The following DLGAP2 variants were observed in gnomAD, a reference collection of about 807,000 sequenced individuals.
DLGAP2 encodes the protein disks large-associated protein 2.
Under a neutral mutation model 100.3 loss-of-function variants are expected in DLGAP2, and 26 were observed. The ratio of observed to expected loss-of-function variants is 0.26; its 90% CI spans 0.19 to 0.36. The LOEUF (loss-of-function observed/expected upper bound fraction) is 0.36, where lower values mean the gene tolerates loss of function less well. DLGAP2 is among the 10% of genes least tolerant of loss of function. DLGAP2 has a pLI of 1.00. For missense variants in DLGAP2, 1,858 were observed against 1,453.2 expected, an observed-to-expected ratio of 1.28 and a Z score of -4.53; for synonymous variants, 886 against 630.1, an observed-to-expected ratio of 1.41 and a Z score of -6.08.
chr8:778,430 T>C (rs942716997), intron 1 of DLGAP2, among the ~76,000 whole-genome samples: 4 of 152,240 alleles, frequency 2.6e-5, no homozygotes, highest in African/African-American at 9.6e-5. Flanking sequence ...CTCTGCTTTT[T>C]AGAGTTTCCA....
intron 3 of DLGAP2, among the ~76,000 whole-genome samples, chr8:1,360,696 G>A (rs1054729781): frequency 4.6e-5 from 7 of 152,160 alleles, no homozygotes; most frequent in Admixed American, 4.6e-4. Flanking sequence ...ACACCACACC[G>A]CCCCCACCAT....
chr8:989,797 C>G (rs897747150), intron 2 of DLGAP2, among the ~76,000 whole-genome samples: 1 of 152,056 alleles, frequency 6.6e-6, no homozygotes, highest in East Asian at 1.9e-4. Flanking sequence ...TTGAGGCTTC[C>G]CCAGGGTCCC....
intron 2 of DLGAP2, among the ~76,000 whole-genome samples, chr8:928,410 G>A (rs942589102): frequency 1.3e-5 from 2 of 152,118 alleles, no homozygotes; most frequent in South Asian, 2.1e-4. Context: ...CCTGGACGTG[G>A]ATTTACTGTG....
intron 2 of DLGAP2, among the ~76,000 whole-genome samples, chr8:1,063,255 T>C (rs1035180817): frequency 6.6e-6 from 1 of 152,246 alleles, no homozygotes; most frequent in South Asian, 2.1e-4. Flanking sequence ...GCTGACCAAG[T>C]GGACTGTCCT....
intron 2 of DLGAP2, among the ~76,000 whole-genome samples, chr8:944,288 C>G (rs539162270): frequency 6.8e-6 from 1 of 148,036 alleles, no homozygotes; most frequent in African/African-American, 2.5e-5. Flanking sequence ...TTGTAACCAG[C>G]CCATGTGGGT....
chr8:1,683,345 G>A (rs1289127916), intron 12 of DLGAP2, among the ~76,000 whole-genome samples: 1 of 151,454 alleles, frequency 6.6e-6, no homozygotes, highest in Non-Finnish European at 1.5e-5. Flanking sequence ...GAGAACTGGG[G>A]AACAGAGGCC....
At chr8:1,562,670 G>C (rs1344393613) in intron 5 of DLGAP2, among the ~76,000 whole-genome samples, 5 of 49,630 alleles carry the variant, frequency 1.0e-4, no homozygotes, top group Non-Finnish European at 1.5e-4. Context: ...GTGTGGTGTT[G>C]GGGTGTCCGC....
At chr8:1,700,729 G>A (rs1358217683) in intron 14 of DLGAP2, among the ~76,000 whole-genome samples, 1 of 152,130 alleles carries the variant, frequency 6.6e-6, no homozygotes. Context: ...CACGTAAGAT[G>A]GTTTTCATGA....
chr8:1,455,519 A>G (rs1798287922), intron 3 of DLGAP2, among the ~76,000 whole-genome samples: 1 of 152,214 alleles, frequency 6.6e-6, no homozygotes. Context: ...AGCAGGGCTG[A>G]GAGGAGGAAG....
intron 3 of DLGAP2, among the ~76,000 whole-genome samples, chr8:1,496,093 G>C (rs1196359812): frequency 2.0e-5 from 3 of 152,188 alleles, no homozygotes; most frequent in East Asian, 1.9e-4. Context: ...TTCCCTGAAA[G>C]TCAGGTTTCT....
At chr8:1,548,091 A>G (rs1438809439) in intron 4 of DLGAP2, among the ~76,000 whole-genome samples, 6 of 152,154 alleles carry the variant, frequency 3.9e-5, no homozygotes, top group African/African-American at 1.2e-4. Context: ...TCAATCTACT[A>G]GATGCTAAAT....
intron 2 of DLGAP2, among the ~76,000 whole-genome samples, chr8:1,040,008 T>TTGGCTCGGTGTG (rs1802278125): frequency 3.7e-5 from 5 of 135,298 alleles, no homozygotes; most frequent in Non-Finnish European, 8.3e-5. Flanking sequence ...GTTTCCGTGG[T>TTGGCTCGGTGTG]CAGCTCGGTT....
At chr8:1,571,573 GA>G (rs1802685104) in intron 6 of DLGAP2, among the ~76,000 whole-genome samples, 1 of 144,188 alleles carries the variant, frequency 6.9e-6, no homozygotes, top group African/African-American at 2.6e-5. Flanking sequence ...ATGAGATGGA[GA>G]GGGGAGAGGG....
At chr8:1,412,591 C>T (rs1796764157) in intron 3 of DLGAP2, among the ~76,000 whole-genome samples, 1 of 152,200 alleles carries the variant, frequency 6.6e-6, no homozygotes. Flanking sequence ...TAAGTTGCTT[C>T]ACCCCTCTCT....
chr8:1,513,413 C>T (rs1490232591), intron 4 of DLGAP2, among the ~76,000 whole-genome samples: 3 of 151,950 alleles, frequency 2.0e-5, no homozygotes, highest in African/African-American at 7.3e-5. Flanking sequence ...CACAGGCCAG[C>T]CCCACGGAGG....
chr8:1,218,167 C>G (rs988975767), intron 2 of DLGAP2, among the ~76,000 whole-genome samples: 3 of 152,188 alleles, frequency 2.0e-5, no homozygotes, highest in South Asian at 2.1e-4. Context: ...TTTGCCAACA[C>G]TATGTTCAGA....
chr8:1,075,489 G>A (rs539266082), intron 2 of DLGAP2, among the ~76,000 whole-genome samples: 20 of 152,232 alleles, frequency 1.3e-4, no homozygotes, highest in African/African-American at 4.3e-4. Context: ...TCCCTCTACT[G>A]TCCTCTTCTG....
chr8:1,359,315 C>T lies in DLGAP2; in HGVS notation c.106+100432C>T, dbSNP rs184701606. Among the ~76,000 whole-genome samples the T allele has an allele frequency of 6.4e-4, 98 of 152,360 alleles. 1 individual carries two copies. The highest frequency in any genetic ancestry group is 4.8e-3 in the East Asian group (25 of 5,174). On this transcript the variant is annotated intron_variant, in intron 3 of 14. Coordinates refer to ENST00000637795, the MANE Select transcript of DLGAP2 (RefSeq NM_001346810.2). ...AGGCGGTCCATGCGCCCTGGTTAGA[C>T]GCCTTCACCCAAAGAGAGGCCAGGC...
intron 1 of DLGAP2, among the ~76,000 whole-genome samples, chr8:893,547 C>A (rs993594363): frequency 6.6e-6 from 1 of 152,198 alleles, no homozygotes; most frequent in Admixed American, 6.5e-5. Flanking sequence ...CCCAGTCCTG[C>A]GGTCTTGGAT....
Sources: gnomAD v4.1 joint callset for allele counts (sites outside exome capture counted in the v4.1 genomes callset) on GRCh38, gnomAD v4.1.1 for gene constraint, MANE v1.5 for transcripts, NCBI Gene and HGNC (gene_info 2026-07-23, HGNC 2026-07-21) for gene names.